The following SHTN1 variants were observed in gnomAD, a reference collection of about 807,000 sequenced individuals.
SHTN1 encodes the protein shootin 1, also known as shootin-1.
A neutral mutation model predicts 83.1 loss-of-function variants in SHTN1; 42 were observed. The ratio of observed to expected loss-of-function variants is 0.51; its 90% CI spans 0.39 to 0.65. The LOEUF is 0.65. SHTN1 is among the 30% of genes least tolerant of loss of function. The probability of loss-of-function intolerance (pLI) is 0.00; values close to 1 mark genes in which losing one functional copy is unlikely to be tolerated. For synonymous variants in SHTN1, 224 were observed against 247.7 expected, an observed-to-expected ratio of 0.90 and a Z score of 0.90; for missense variants, 622 against 737.8, an observed-to-expected ratio of 0.84 and a Z score of 1.82.
intron 1 of SHTN1, among the ~76,000 whole-genome samples, chr10:117,082,943 T>A (rs985925412): frequency 6.6e-6 from 1 of 151,074 alleles, no homozygotes; most frequent in African/African-American, 2.4e-5. Flanking sequence ...GCACGTGAGA[T>A]GGGTTTCCTG....
At chr10:117,009,600 T>A (rs1351483658), upstream of SHTN1, among the ~76,000 whole-genome samples, 1 of 151,998 alleles carries the variant, frequency 6.6e-6, no homozygotes, top group Non-Finnish European at 1.5e-5. Flanking sequence ...TAAGAATATA[T>A]AATTACTATA....
intron 11 of SHTN1, among the ~76,000 whole-genome samples, chr10:116,924,839 G>T (rs2133370337): frequency 7.1e-6 from 1 of 140,938 alleles, no homozygotes; most frequent in South Asian, 2.3e-4. Context: ...CTCGCTGCAA[G>T]CTCTGCCTCC....
intron 2 of SHTN1, among the ~76,000 whole-genome samples, chr10:117,028,003 G>C (rs113619593): frequency 6.6e-6 from 1 of 152,154 alleles, no homozygotes; most frequent in African/African-American, 2.4e-5. Context: ...TTGAATGGTC[G>C]TGGCCAAATT....
chr10:116,986,172 G>C (rs1851211399), intron 1 of SHTN1, among the ~76,000 whole-genome samples: 1 of 152,138 alleles, frequency 6.6e-6, no homozygotes. Flanking sequence ...CTGATTTCTG[G>C]TCTGTCATGT....
chr10:117,114,772 C>A (rs1853820353), intron 1 of SHTN1, among the ~76,000 whole-genome samples: 1 of 152,202 alleles, frequency 6.6e-6, no homozygotes, highest in African/African-American at 2.4e-5. Context: ...AGAGTTAACA[C>A]ACCTCTCTCC....
intron 10 of SHTN1, among the ~76,000 whole-genome samples, chr10:116,928,688 T>C (rs1162285780): frequency 6.6e-6 from 1 of 152,196 alleles, no homozygotes; most frequent in African/African-American, 2.4e-5. Context: ...CAGGGATCTG[T>C]CCATTTGTAT....
intron 1 of SHTN1, among the ~76,000 whole-genome samples, chr10:117,113,673 A>G (rs1380299567): frequency 6.6e-6 from 1 of 152,226 alleles, no homozygotes; most frequent in South Asian, 2.1e-4. Context: ...GGGAAGCGGA[A>G]GCCAGAAGAC....
intron 14 of SHTN1, among the ~76,000 whole-genome samples, chr10:116,907,443 A>C (rs1403656346): frequency 6.6e-6 from 1 of 152,184 alleles, no homozygotes; most frequent in African/African-American, 2.4e-5. Context: ...GAGATGCTAT[A>C]AATCTGTACT....
At chr10:117,115,863 T>C (rs1465834204) in intron 1 of SHTN1, among the ~76,000 whole-genome samples, 3 of 152,218 alleles carry the variant, frequency 2.0e-5, no homozygotes, top group Admixed American at 2.0e-4. Flanking sequence ...GACAACTTAG[T>C]GTACAGTCTG....
chr10:116,976,594 A>G (rs543968898), intron 2 of SHTN1, among the ~76,000 whole-genome samples: 3 of 152,214 alleles, frequency 2.0e-5, no homozygotes, highest in African/African-American at 7.2e-5. Context: ...CAACTGGACA[A>G]AGCTCACCCA....
chr10:117,047,383 T>A (rs2420302), intron 2 of SHTN1, among the ~76,000 whole-genome samples: 143,758 of 152,016 alleles, frequency 0.95, 68,158 homozygotes, highest in Non-Finnish European at 0.98. Context: ...TATTTTTTTT[T>A]AAAAATAATC....
Position 116,954,191 on chromosome 10 carries a change from G to T in SHTN1, c.287C>A (p.Thr96Lys), listed in dbSNP as rs540474097. ...GTACAACATGCTGATTCTTTTCAAC[G>T]TTTTATTTTCTTTATTTAGCTAAGA... is the stretch of plus-strand genomic sequence containing the variant. ...LATKLNKENK[T>K]LKRISMLYMA... Residue 96 changes from threonine to lysine, a missense_variant, in exon 5 of 17, where the codon ACG becomes AAG. This residue lies in a region of SHTN1 where 383 missense variants were observed against 455.8 expected (regional missense o/e 0.84). Coordinates refer to ENST00000355371, the MANE Select transcript of SHTN1 (RefSeq NM_001127211.3). 42 of 1,604,614 alleles carry T rather than the reference G, an allele frequency of 2.6e-5. No homozygotes were observed. The highest frequency in any genetic ancestry group is 3.3e-5 in the Non-Finnish European group (39 of 1,176,424).
At chr10:116,928,350 T>C (rs1033870758) in intron 10 of SHTN1, among the ~76,000 whole-genome samples, 1 of 152,194 alleles carries the variant, frequency 6.6e-6, no homozygotes, top group Non-Finnish European at 1.5e-5. Context: ...AAACTGCAAA[T>C]ACTAGAGTCT....
chr10:117,014,360 C>A (rs146127538), intron 2 of SHTN1, among the ~76,000 whole-genome samples: 3 of 152,024 alleles, frequency 2.0e-5, no homozygotes, highest in African/African-American at 2.4e-5. Context: ...ACAAATAAAT[C>A]GAACCATATT....
intron 1 of SHTN1, among the ~76,000 whole-genome samples, chr10:117,069,617 CTATTAT>C (rs763487611): frequency 2.0e-5 from 3 of 152,242 alleles, no homozygotes; most frequent in Non-Finnish European, 2.9e-5. Context: ...TGTTACATTA[CTATTAT>C]TAAGTAAATT....
At chr10:116,891,818 G>A (rs983687324) in intron 16 of SHTN1, among the ~76,000 whole-genome samples, 2 of 152,106 alleles carry the variant, frequency 1.3e-5, no homozygotes, top group South Asian at 2.1e-4. Context: ...TATTACTACC[G>A]ATTCTAGCAT....
chr10:116,966,019 T>G (rs1850380035), intron 3 of SHTN1, among the ~76,000 whole-genome samples: 1 of 151,958 alleles, frequency 6.6e-6, no homozygotes, highest in Admixed American at 6.6e-5. Context: ...TTTTTTGGGG[T>G]TTTTTTGAGA....
chr10:116,901,075 T>G, intron 16 of SHTN1: 1 of 985,406 alleles, frequency 1.0e-6, no homozygotes, highest in Non-Finnish European at 1.2e-6. Flanking sequence ...TGATCTGATT[T>G]GTCTCACCTC....
At chr10:117,109,019 T>C (rs1330495163) in intron 1 of SHTN1, among the ~76,000 whole-genome samples, 2 of 152,176 alleles carry the variant, frequency 1.3e-5, no homozygotes, top group African/African-American at 4.8e-5. Flanking sequence ...ACACTAGTGG[T>C]GGGCCGCTGC....
Sources: gnomAD v4.1 joint callset for allele counts (sites outside exome capture counted in the v4.1 genomes callset) on GRCh38, gnomAD v4.1.1 for gene constraint, gnomAD v4.1.1 regional missense constraint, MANE v1.5 for transcripts, NCBI Gene and HGNC (gene_info 2026-07-23, HGNC 2026-07-21) for gene names.